The following CYB5R4 variants were observed in gnomAD, a reference collection of about 807,000 sequenced individuals.
CYB5R4 encodes cytochrome b5 reductase 4, also known as N-terminal cytochrome b5 and cytochrome b5 oxidoreductase domain-containing protein.
Under a neutral mutation model 70.2 loss-of-function variants are expected in CYB5R4, and 55 were observed. The observed-to-expected ratio is 0.78, with a 90% CI of 0.63 to 0.98. The LOEUF is 0.98. Ranked by LOEUF, CYB5R4 falls within the 50% of genes least tolerant of loss-of-function variation. The pLI is 0.00. For missense variants in CYB5R4, 562 were observed against 612.6 expected, an observed-to-expected ratio of 0.92 and a Z score of 0.87; for synonymous variants, 197 against 199.5, an observed-to-expected ratio of 0.99 and a Z score of 0.11.
At chr6:83,920,574 C>T (rs978826282) in intron 7 of CYB5R4, among the ~76,000 whole-genome samples, 4 of 151,850 alleles carry the variant, frequency 2.6e-5, no homozygotes, top group Non-Finnish European at 5.9e-5. Flanking sequence ...ATATCTTACA[C>T]CAAGGCTATG....
chr6:83,897,217 A>T (rs1193683390), intron 3 of CYB5R4, among the ~76,000 whole-genome samples: 2 of 152,122 alleles, frequency 1.3e-5, no homozygotes, highest in Non-Finnish European at 2.9e-5. Flanking sequence ...AGCTTCATCC[A>T]TGTCCCTACA....
chr6:83,869,720 G>T (rs1013670274), intron 2 of CYB5R4, among the ~76,000 whole-genome samples: 1 of 152,026 alleles, frequency 6.6e-6, no homozygotes, highest in African/African-American at 2.4e-5. Flanking sequence ...CTACTCTGGA[G>T]GCTGAAGCAG....
chr6:83,900,244 C>G (rs188626785), intron 3 of CYB5R4, among the ~76,000 whole-genome samples: 1 of 152,230 alleles, frequency 6.6e-6, no homozygotes, highest in East Asian at 1.9e-4. Context: ...CATTCAGGAG[C>G]AGGTTGTTCA....
intron 15 of CYB5R4, 135 bp from the exon 16 acceptor site, chr6:83,959,688 GT>G: frequency 1.4e-6 from 1 of 715,186 alleles, no homozygotes; most frequent in Non-Finnish European, 2.2e-6. Flanking sequence ...AGGTGATAGT[GT>G]TTTTTTATTT....
At chr6:83,953,909 T>A (rs558639470) in intron 14 of CYB5R4, among the ~76,000 whole-genome samples, 1 of 152,206 alleles carries the variant, frequency 6.6e-6, no homozygotes, top group Non-Finnish European at 1.5e-5. Flanking sequence ...CTTACTTAGA[T>A]TGACGTTTGA....
intron 10 of CYB5R4, among the ~76,000 whole-genome samples, chr6:83,927,530 A>C (rs978199492): frequency 2.6e-5 from 4 of 152,194 alleles, no homozygotes; most frequent in African/African-American, 9.6e-5. Flanking sequence ...GATGGCTCAC[A>C]AAACTCAGGG....
chr6:83,861,879 GTTT>G (rs996527358), intron 1 of CYB5R4, among the ~76,000 whole-genome samples: 4 of 152,208 alleles, frequency 2.6e-5, no homozygotes, highest in Non-Finnish European at 5.9e-5. Context: ...GTCTGGTGAT[GTTT>G]TTGTGACCAG....
intron 15 of CYB5R4, among the ~76,000 whole-genome samples, chr6:83,958,895 G>A (rs756746686): frequency 6.6e-6 from 1 of 152,152 alleles, no homozygotes; most frequent in Non-Finnish European, 1.5e-5. Context: ...TTATAATAGA[G>A]TAAGTGGTAA....
intron 1 of CYB5R4, among the ~76,000 whole-genome samples, chr6:83,862,395 T>C (rs952436851): frequency 6.6e-6 from 1 of 152,226 alleles, no homozygotes; most frequent in African/African-American, 2.4e-5. Context: ...CATTCAGTTA[T>C]AAAGTCATAA....
At chr6:83,940,701 C>A in intron 14 of CYB5R4, 100 bp downstream of exon 14, 1 of 1,323,196 alleles carries the variant, frequency 7.6e-7, no homozygotes, top group South Asian at 1.5e-5. Flanking sequence ...CCAGGAAGCT[C>A]CTTCAAAGAA....
In CYB5R4 at chr6:83,963,102, G is replaced by C. The variant is rs2099473577; in HGVS notation, c.*3224G>C. 6.6e-6 allele frequency: 1 copy of C among 152,134 alleles called. No individual in the cohort carries two copies. The highest frequency in any genetic ancestry group is 6.6e-5 in the Admixed American group (1 of 15,266). 9.4% of individuals were successfully genotyped at this position (152,134 alleles called of 1,614,324 possible). A position where few individuals can be genotyped will look rare whatever the true frequency, so the allele number is the denominator to read the frequency against. On this transcript the variant is annotated 3_prime_UTR_variant, in exon 16 of 16. Coordinates refer to ENST00000369681, the MANE Select transcript of CYB5R4 (RefSeq NM_016230.4). ...CTATAATTTTAATTATAGCTGTAAA[G>C]TCCCTTTTCCTATATAATATATTCA...
chr6:83,884,720 C>T (rs886923930), intron 2 of CYB5R4, among the ~76,000 whole-genome samples: 2 of 152,094 alleles, frequency 1.3e-5, no homozygotes, highest in African/African-American at 2.4e-5. Flanking sequence ...ATAATTTTAT[C>T]GTGTGAACAC....
chr6:83,899,212 A>G (rs962091603), intron 3 of CYB5R4, among the ~76,000 whole-genome samples: 38 of 152,168 alleles, frequency 2.5e-4, no homozygotes, highest in African/African-American at 8.7e-4. Flanking sequence ...TTCTGCATCT[A>G]TTGAGATAAT....
intron 9 of CYB5R4, 151 bp downstream of exon 9, chr6:83,922,621 T>C (rs1446196441): frequency 3.3e-6 from 2 of 609,178 alleles, no homozygotes; most frequent in East Asian, 2.9e-5. Flanking sequence ...TGTTTTCTCT[T>C]TTTTTTTTAA....
At chr6:83,877,773 A>G (rs1342906068) in intron 2 of CYB5R4, among the ~76,000 whole-genome samples, 4 of 152,164 alleles carry the variant, frequency 2.6e-5, no homozygotes, top group Non-Finnish European at 5.9e-5. Context: ...GCAGCGAGTA[A>G]GATTTCTTTT....
intron 15 of CYB5R4, among the ~76,000 whole-genome samples, chr6:83,957,293 C>T (rs977248775): frequency 6.6e-6 from 1 of 152,046 alleles, no homozygotes; most frequent in Non-Finnish European, 1.5e-5. Flanking sequence ...AGAAGTATCT[C>T]AATGAGTACT....
At chr6:83,886,467 G>C (rs952716159) in intron 2 of CYB5R4, among the ~76,000 whole-genome samples, 3 of 152,184 alleles carry the variant, frequency 2.0e-5, no homozygotes, top group Non-Finnish European at 4.4e-5. Flanking sequence ...AAAAAATACT[G>C]ATACATGCAA....
intron 3 of CYB5R4, among the ~76,000 whole-genome samples, chr6:83,899,797 G>T (rs2099462569): frequency 6.6e-6 from 1 of 152,026 alleles, no homozygotes; most frequent in African/African-American, 2.4e-5. Flanking sequence ...TATTTCTGTG[G>T]GATCAGTGGT....
In CYB5R4 at chr6:83,909,035, C is replaced by G; in HGVS notation, c.357C>G (p.Ser119=). 6.2e-7 allele frequency: 1 copy of G among 1,613,854 alleles called. No homozygotes were observed. Among genetic ancestry groups the G allele is most frequent in the Non-Finnish European group, 8.5e-7 (1 of 1,179,848 alleles). Reference sequence around the variant, plus strand: ...TTCATCGTTGGGTCAATTATGAATCCATGCTGAAAGAATGCCTGGTTGGCA... The same window carrying G: ...TTCATCGTTGGGTCAATTATGAATCGATGCTGAAAGAATGCCTGGTTGGCA... ...DQVHRWVNYE[S]MLKECLVGRM... The change falls in exon 4 of 16, where the codon TCC becomes TCG. Residue 119 remains serine (S), a synonymous_variant. Transcript: ENST00000369681.
Sources: allele counts gnomAD v4.1 joint callset (sites outside exome capture counted in the v4.1 genomes callset), GRCh38; gene constraint gnomAD v4.1.1; transcripts MANE v1.5; gene names NCBI Gene and HGNC (gene_info 2026-07-23, HGNC 2026-07-21).